PKHD1L1: variants seen among roughly 807,000 people sequenced by gnomAD.
The protein encoded by PKHD1L1 is PKHD1 like 1.
Under a neutral mutation model 462.9 loss-of-function variants are expected in PKHD1L1, and 434 were observed. The observed-to-expected ratio is 0.94, with a 90% CI of 0.87 to 1.02. The LOEUF is 1.02. PKHD1L1 is among the 50% of genes least tolerant of loss of function. PKHD1L1 has a pLI of 0.00. For synonymous variants in PKHD1L1, 1,781 were observed against 1,750.0 expected (o/e 1.02, Z -0.44); for missense variants, 5,202 against 5,096.1 (o/e 1.02, Z -0.63).
rs533309592 is a variant in PKHD1L1 at position 109,389,081 on chromosome 8, A to G, written c.626A>G (p.Tyr209Cys). 3 of 1,594,296 alleles carry G rather than the reference A, an allele frequency of 1.9e-6. No homozygotes were observed. Among genetic ancestry groups the G allele is most frequent in the African/African-American group, 1.4e-5 (1 of 73,934 alleles). The part of the protein sequence containing the change: ...ELLIPQSDNL[Y>C]GLKLDHPNGD... ...GACATTAACTTTTTTTTAATTAGAT[A>G]TGGTCTAAAACTGGATCATCCAAAT... Residue 209 changes from tyrosine (Y) to cysteine (C), a missense_variant and splice_region_variant, in exon 8 of 78, where the codon TAT becomes TGT. Physicochemically the swap from Tyr to Cys is radical, Grantham distance 194. This residue lies in a region of PKHD1L1 where 4,497 missense variants were observed against 4,336.8 expected (regional missense o/e 1.04). Coordinates refer to ENST00000378402, the MANE Select transcript of PKHD1L1 (RefSeq NM_177531.6).
chr8:109,528,005 G>A (rs1232659671), intron 77 of PKHD1L1, among the ~76,000 whole-genome samples: 1 of 152,196 alleles, frequency 6.6e-6, no homozygotes, highest in Non-Finnish European at 1.5e-5. Context: ...CAGAGGTGTA[G>A]TTTCACTAAG....
chr8:109,435,278 T>G lies in PKHD1L1; in HGVS notation c.3429T>G (p.Asn1143Lys). 6.2e-7 allele frequency: 1 copy of G among 1,613,906 alleles called. No homozygotes were observed. The highest frequency in any genetic ancestry group is 8.5e-7 in the Non-Finnish European group (1 of 1,179,814). ...TGGCTGATGTTGGACTAGCACAGAA[T>G]GTAGGGGGTGAAGAGTTCTACTTTG... ...VSMADVGLAQ[N>K]VGGEEFYFVY... The change falls in exon 29 of 78, where the codon AAT (asparagine) becomes AAG (lysine). Residue 1143 changes from asparagine (N) to lysine (K), a missense_variant. Transcript: ENST00000378402.
intron 27 of PKHD1L1, 107 bp from the exon 28 acceptor site, chr8:109,432,999 A>G: frequency 1.2e-6 from 1 of 812,014 alleles, no homozygotes; most frequent in Non-Finnish European, 2.0e-6. Context: ...CTTATTGTTT[A>G]TATCTTTTGA....
chr8:109,373,994 A>G (rs767790347), intron 2 of PKHD1L1, among the ~76,000 whole-genome samples: 3 of 152,110 alleles, frequency 2.0e-5, no homozygotes, highest in Non-Finnish European at 4.4e-5. Flanking sequence ...TTCGTGGTGG[A>G]GAGTTCTGTA....
In PKHD1L1 at chr8:109,503,315, C is replaced by CAAACAA. The variant is rs1563617458; in HGVS notation, c.10829-1009_10829-1008insCAAAAA. ...AAACAAAAACAAAAACAAAAACAAA[C>CAAACAA]AAAAAAAAAACAGAAGACCGCAGCT... On this transcript the variant is annotated intron_variant, in intron 67 of 77. Coordinates refer to ENST00000378402, the MANE Select transcript of PKHD1L1 (RefSeq NM_177531.6). Among the ~76,000 whole-genome samples the CAAACAA allele has an allele frequency of 6.5e-3, 857 of 132,590 alleles. 11 individuals carry two copies. The highest frequency in any genetic ancestry group is 0.022 in the African/African-American group (822 of 37,576). The allele number at this position is 132,590 out of a possible 152,430, so 87.0% of individuals were successfully genotyped here. A position where few individuals can be genotyped will look rare whatever the true frequency, so the allele number is the denominator to read the frequency against.
chr8:109,464,518 T>C lies in PKHD1L1; in HGVS notation c.7686T>C (p.Phe2562=), dbSNP rs773873135. 15 of 1,613,726 alleles carry C rather than the reference T, an allele frequency of 9.3e-6. No homozygotes were observed. In the African/African-American group the frequency reaches 2.0e-4, roughly 22 times the overall value. ...ATGATGATGTGACCCCGGCTGCATT[T>C]TGGGTCACCAACCCGAACAATACCA... ...LLNDDVTPAA[F]WVTNPNNTIR... Residue 2562 remains phenylalanine (F), a synonymous_variant, in exon 49 of 78, where the codon TTT becomes TTC. Coordinates refer to ENST00000378402, the MANE Select transcript of PKHD1L1 (RefSeq NM_177531.6).
rs947399257 is a variant in PKHD1L1, at chr8:109,527,128, A to G, written c.12721+108A>G. On this transcript the variant is annotated intron_variant, in intron 77 of 77. Transcript: ENST00000378402. ...TGTGCATGATATCACTGTGTGCACA[A>G]AGAGAAAGTAACAGCCTCAATAGCA... 3.2e-6 allele frequency: 3 copies of G among 942,080 alleles called. No individual in the cohort carries two copies. The African/African-American group carries it at 5.0e-5, about 16-fold the overall frequency. The allele number at this position is 942,080 out of a possible 1,614,324, so 58.4% of individuals were successfully genotyped here. A position where few individuals can be genotyped will look rare whatever the true frequency, so the allele number is the denominator to read the frequency against.
In PKHD1L1 at chr8:109,448,208, G is replaced by T. The variant is rs1187002115; in HGVS notation, c.5842G>T (p.Val1948Leu). The change falls in exon 39 of 78, where the codon GTG becomes TTG. Residue 1948 changes from valine (V) to leucine (L), a missense_variant. Physicochemically the swap from Val to Leu is conservative, Grantham distance 32. This residue lies in a region of PKHD1L1 where 4,497 missense variants were observed against 4,336.8 expected (regional missense o/e 1.04). Coordinates refer to ENST00000378402, the MANE Select transcript of PKHD1L1 (RefSeq NM_177531.6). ...NFGFEILEIS[V>L]MINNIQCNVT... ...TGGCTTTGAGATCTTGGAAATCTCC[G>T]TGATGATAAATAACATTCAGTGTAA... is the stretch of plus-strand genomic sequence containing the variant. 6.2e-7 allele frequency: 1 copy of T among 1,612,372 alleles called. No individual in the cohort carries two copies. Among genetic ancestry groups the T allele is most frequent in the East Asian group, 2.2e-5 (1 of 44,848 alleles).
At position 109,420,625 on chromosome 8, in the gene PKHD1L1, T is replaced by C. The variant is rs1814412462; in HGVS notation, c.2632T>C (p.Ser878Pro). ...TNGPTMTNQY[S>P]VTMTSYNCSY... ...TGGGCCAACTATGACAAACCAATAT[T>C]CTGTTACCATGACTTCATACAATTG... Residue 878 changes from serine to proline, a missense_variant, in exon 23 of 78, where the codon TCT becomes CCT. Coordinates refer to ENST00000378402, the MANE Select transcript of PKHD1L1 (RefSeq NM_177531.6). 1 of 1,609,358 alleles carries C rather than the reference T, an allele frequency of 6.2e-7. No homozygotes were observed. The highest frequency in any genetic ancestry group is 8.5e-7 in the Non-Finnish European group (1 of 1,177,818).
chr8:109,401,465 C>A, intron 13 of PKHD1L1, 32 bp from the exon 14 acceptor site: 2 of 1,172,634 alleles, frequency 1.7e-6, no homozygotes, highest in Admixed American at 1.9e-5. Context: ...ATAAATTCTC[C>A]CTTTTCTCTG....
At chr8:109,490,139 T>G in intron 60 of PKHD1L1, 84 bp downstream of exon 60, 2 of 809,142 alleles carry the variant, frequency 2.5e-6, no homozygotes, top group African/African-American at 3.5e-5. Context: ...TAGCCACATC[T>G]TATATTAGCT....
At chr8:109,446,961 C>T (rs1450180688) in intron 38 of PKHD1L1, among the ~76,000 whole-genome samples, 3 of 152,172 alleles carry the variant, frequency 2.0e-5, no homozygotes, top group Non-Finnish European at 2.9e-5. Context: ...CGGTGGCTCA[C>T]GCCTGTAATC....
intron 38 of PKHD1L1, among the ~76,000 whole-genome samples, chr8:109,446,056 T>C (rs917374762): frequency 6.6e-6 from 1 of 152,198 alleles, no homozygotes; most frequent in Non-Finnish European, 1.5e-5. Flanking sequence ...AAACTACAAA[T>C]GAATATTAAC....
rs1204199341 is a variant in PKHD1L1 at position 109,464,714 on chromosome 8, G to T, written c.7882G>T (p.Glu2628Ter). The change falls in exon 49 of 78, where the codon GAG becomes TAG. Residue 2628 changes from glutamate to a stop codon, truncating the protein, a stop_gained. Coordinates refer to ENST00000378402, the MANE Select transcript of PKHD1L1 (RefSeq NM_177531.6). LOFTEE classifies it high-confidence loss of function. ...SQGWFGMWIF[E>*]EYFPMQTGSC... ...AGGTTGGTTTGGAATGTGGATCTTT[G>T]AGGAATATTTCCCCATGCAAACGGG... The T allele has an allele frequency of 6.2e-7, 1 of 1,613,662 alleles. No individual in the cohort carries two copies. The highest frequency in any genetic ancestry group is 8.5e-7 in the Non-Finnish European group (1 of 1,179,810).
In PKHD1L1 at chr8:109,464,241, G is replaced by A. The variant is rs184921793; in HGVS notation, c.7409G>A (p.Arg2470Gln). Residue 2470 changes from arginine to glutamine, a missense_variant, in exon 49 of 78, where the codon CGG becomes CAG. Physicochemically the swap from Arg to Gln is conservative, Grantham distance 43. This residue lies in a region of PKHD1L1 where 4,497 missense variants were observed against 4,336.8 expected (regional missense o/e 1.04). Transcript: ENST00000378402. ...VEVFHAGQAF[R>Q]LGRYPIHWHL... ...GTATTCCATGCTGGCCAGGCTTTCC[G>A]GTTGGGGCGATATCCAATACATTGG... The A allele has an allele frequency of 1.4e-4, 221 of 1,601,854 alleles. 1 individual carries two copies. In the African/African-American group the frequency reaches 2.4e-3, roughly 18 times the overall value.
chr8:109,382,687 C>T (rs2130422900), intron 4 of PKHD1L1, 116 bp downstream of exon 4: 1 of 611,238 alleles, frequency 1.6e-6, no homozygotes, highest in East Asian at 3.2e-5. Context: ...AATACATTAG[C>T]ATGTAACAAA....
Position 109,464,738 on chromosome 8 carries a change from G to A in PKHD1L1, c.7906G>A (p.Gly2636Arg), listed in dbSNP as rs746282227. The change falls in exon 49 of 78, where the codon GGA becomes AGA. Residue 2636 changes from glycine (G) to arginine (R), a missense_variant. Around this residue, in one of 3 missense-constraint regions of PKHD1L1, gnomAD observed 4,497 missense variants for 4,336.8 expected, o/e 1.04. Transcript: ENST00000378402. Reference protein sequence around the residue: ...IFEEYFPMQTGSCTSTVPAPA... With the variant: ...IFEEYFPMQTRSCTSTVPAPA... ...TGAGGAATATTTCCCCATGCAAACG[G>A]GATCTTGTACATCTACAGTGCCTGC... The A allele has an allele frequency of 3.0e-5, 49 of 1,613,736 alleles. No individual in the cohort carries two copies. In the Middle Eastern group the frequency reaches 5.0e-4, roughly 16 times the overall value.
chr8:109,420,358 C>T (rs541884185), intron 22 of PKHD1L1, among the ~76,000 whole-genome samples, 160 bp from the exon 23 acceptor site: 1 of 152,138 alleles, frequency 6.6e-6, no homozygotes, highest in Non-Finnish European at 1.5e-5. Flanking sequence ...CTTTCTAATA[C>T]TTGATTTTAA....
At chr8:109,483,202 T>C (rs1395331173) in intron 57 of PKHD1L1, 97 bp downstream of exon 57, 1 of 804,234 alleles carries the variant, frequency 1.2e-6, no homozygotes, top group East Asian at 3.2e-5. Context: ...TTTTCTCATG[T>C]GATTAACCAG....
Sources: gnomAD v4.1 joint callset for allele counts (sites outside exome capture counted in the v4.1 genomes callset) on GRCh38, gnomAD v4.1.1 for gene constraint, gnomAD v4.1.1 regional missense constraint, MANE v1.5 for transcripts, NCBI Gene and HGNC (gene_info 2026-07-23, HGNC 2026-07-21) for gene names.